Variants in TRIP11 observed in about 807,000 individuals in gnomAD.
TRIP11 encodes the protein thyroid hormone receptor interactor 11, also known as thyroid receptor-interacting protein 11.
TRIP11 carries 148 observed loss-of-function variants against 223.1 expected under a neutral mutation model. The observed-to-expected ratio is 0.66, with a 90% CI of 0.58 to 0.76. The LOEUF (loss-of-function observed/expected upper bound fraction) is 0.76, where lower values mean the gene tolerates loss of function less well. Among genes scored for constraint, TRIP11 ranks in the 30% least tolerant of loss-of-function variants. The pLI, the probability that TRIP11 is intolerant of heterozygous loss-of-function variation, is 0.00. For synonymous variants in TRIP11, 762 were observed against 772.6 expected (o/e 0.99, Z 0.23); for missense variants, 2,043 against 2,222.0 (o/e 0.92, Z 1.62).
At chr14:92,025,878 C>CAAAAAAAAAAAA (rs372915026) in intron 2 of TRIP11, among the ~76,000 whole-genome samples, 28 of 74,026 alleles carry the variant, frequency 3.8e-4, no homozygotes, top group African/African-American at 1.3e-3. Context: ...GACTCCGTCT[C>CAAAAAAAAAAAA]AAAAAAAAAA....
intron 11 of TRIP11, 34 bp from the exon 12 acceptor site, chr14:92,000,142 C>G: frequency 6.7e-7 from 1 of 1,492,648 alleles, no homozygotes; most frequent in Non-Finnish European, 9.1e-7. Flanking sequence ...CTTTAAAAAA[C>G]ACACACACAC....
intron 19 of TRIP11, among the ~76,000 whole-genome samples, chr14:91,974,048 A>C (rs1187251344): frequency 1.3e-5 from 2 of 152,168 alleles, no homozygotes; most frequent in Non-Finnish European, 2.9e-5. Flanking sequence ...ACAAAACAAA[A>C]GCTAAGAGAA....
intron 16 of TRIP11, among the ~76,000 whole-genome samples, chr14:91,986,592 C>G (rs1167781407): frequency 6.6e-6 from 1 of 152,146 alleles, no homozygotes; most frequent in Non-Finnish European, 1.5e-5. Context: ...TTGGGAATTA[C>G]TTAGGTAGGT....
chr14:92,018,968 A>AC (rs983233989), intron 4 of TRIP11, among the ~76,000 whole-genome samples: 6 of 150,932 alleles, frequency 4.0e-5, no homozygotes, highest in Non-Finnish European at 5.9e-5. Flanking sequence ...CTCAAAAAAA[A>AC]AAAAAAAAAA....
At position 92,025,516 on chromosome 14, in the gene TRIP11, C is replaced by CCCG. The variant is rs376329103; in HGVS notation, c.202-97_202-96insCGG. ...ATGAAAAACGTACTGCTTTCCCCCC[C>CCCG]CAAAAATGTCAAATATAAAAGGTCT... On this transcript the variant is annotated intron_variant, in intron 2 of 20. Transcript: ENST00000267622. 25,723 of 795,884 alleles carry CCCG rather than the reference C, an allele frequency of 0.032. 410 individuals are homozygous for CCCG. Among genetic ancestry groups the CCCG allele is most frequent in the Non-Finnish European group, 0.04 (19,660 of 491,038 alleles). The allele number at this position is 795,884 out of a possible 1,614,324, so 49.3% of individuals were successfully genotyped here.
At chr14:92,014,689 G>T in intron 6 of TRIP11, 112 bp from the exon 7 acceptor site, 2 of 1,184,404 alleles carry the variant, frequency 1.7e-6, no homozygotes, top group Non-Finnish European at 2.3e-6. Flanking sequence ...AAGCTTAAAA[G>T]TTAAATTACT....
intron 16 of TRIP11, among the ~76,000 whole-genome samples, chr14:91,983,223 G>A (rs957031807): frequency 2.0e-5 from 3 of 152,156 alleles, no homozygotes; most frequent in African/African-American, 7.2e-5. Context: ...CTGCCTGACT[G>A]TAAACCTCCT....
intron 4 of TRIP11, among the ~76,000 whole-genome samples, chr14:92,018,541 C>G (rs2057065806): frequency 6.6e-6 from 1 of 151,670 alleles, no homozygotes; most frequent in Admixed American, 6.6e-5. Flanking sequence ...TTTAATGAAC[C>G]AAAAGCTACT....
Position 92,004,779 on chromosome 14 carries a change from A to C in TRIP11, c.3197T>G (p.Leu1066Trp). 6.2e-7 allele frequency: 1 copy of C among 1,614,158 alleles called. No homozygotes were observed. Among genetic ancestry groups the C allele is most frequent in the Non-Finnish European group, 8.5e-7 (1 of 1,180,020 alleles). ...KLTQIIQQKDLEIQALHARIS... is the reference protein window; with the variant it reads ...KLTQIIQQKDWEIQALHARIS... ...TCTAGCATGAAGAGCTTGTATCTCC[A>C]AATCTTTCTGCTGAATAATCTGAGT... Residue 1066 changes from leucine to tryptophan, a missense_variant, in exon 11 of 21, where the codon TTG (leucine) becomes TGG (tryptophan). Leu to Trp is a moderately conservative substitution (Grantham distance 61). Coordinates refer to ENST00000267622, the MANE Select transcript of TRIP11 (RefSeq NM_004239.4).
At chr14:92,009,412 A>G (rs1446253983) in intron 9 of TRIP11, among the ~76,000 whole-genome samples, 1 of 152,160 alleles carries the variant, frequency 6.6e-6, no homozygotes, top group Non-Finnish European at 1.5e-5. Context: ...TTTAACATCA[A>G]AAGAAAGGAG....
rs1238800970 is a variant in TRIP11, at chr14:91,966,277, CA to C, written c.*3395del. The C allele has an allele frequency of 1.1e-5, 2 of 177,986 alleles. No individual in the cohort carries two copies. The highest frequency in any genetic ancestry group is 2.4e-5 in the Non-Finnish European group (2 of 82,838). The allele number at this position is 177,986 out of a possible 1,614,324, so 11.0% of individuals were successfully genotyped here. A position where few individuals can be genotyped will look rare whatever the true frequency, so the allele number is the denominator to read the frequency against. On this transcript the variant is annotated 3_prime_UTR_variant, in exon 21 of 21. Coordinates refer to ENST00000267622, the MANE Select transcript of TRIP11 (RefSeq NM_004239.4). Reference sequence around the variant, plus strand: ...AAAAGTAAAGACTGGCAAATAATCACAAATGTCAGAACATTAAAGTAGCATT... The same window carrying C: ...AAAAGTAAAGACTGGCAAATAATCACAATGTCAGAACATTAAAGTAGCATT...
chr14:92,003,373 T>G (rs756914403), intron 11 of TRIP11, 46 bp downstream of exon 11: 2 of 1,607,452 alleles, frequency 1.2e-6, no homozygotes, highest in East Asian at 4.5e-5. Context: ...AAAAAAAGTC[T>G]CCTCCACCCC....
intron 18 of TRIP11, 114 bp from the exon 19 acceptor site, chr14:91,974,857 C>G: frequency 1.1e-6 from 1 of 896,266 alleles, no homozygotes; most frequent in Non-Finnish European, 1.8e-6. Context: ...AAGTTCAAGT[C>G]CTAGTAAATG....
chr14:91,989,975 T>C (rs2056652453), intron 15 of TRIP11, among the ~76,000 whole-genome samples: 1 of 152,178 alleles, frequency 6.6e-6, no homozygotes, highest in Admixed American at 6.6e-5. Context: ...AGTTCCAGCC[T>C]GCCTTTGATG....
intron 11 of TRIP11, among the ~76,000 whole-genome samples, chr14:92,002,155 G>T (rs1231913811): frequency 1.3e-5 from 2 of 151,638 alleles, no homozygotes; most frequent in Non-Finnish European, 2.9e-5. Context: ...ACCCTACACA[G>T]CACCCTATAC....
intron 16 of TRIP11, among the ~76,000 whole-genome samples, chr14:91,987,865 T>C (rs1016771219): frequency 1.3e-5 from 2 of 152,202 alleles, no homozygotes; most frequent in African/African-American, 4.8e-5. Context: ...ATCATAAAAA[T>C]CTAGCTATAC....
chr14:91,966,436 T>C lies in TRIP11; in HGVS notation c.*3237A>G, dbSNP rs1367583219. The C allele has an allele frequency of 5.2e-6, 1 of 190,656 alleles. No homozygotes were observed. The highest frequency in any genetic ancestry group is 1.1e-5 in the Non-Finnish European group (1 of 91,028). 11.8% of individuals were successfully genotyped at this position (190,656 alleles called of 1,614,324 possible). ...TGGAAAACTTCATTATCTTTAAATA[T>C]CAGGTCCAAATGCTTTTAAGTTTGA... On this transcript the variant is annotated 3_prime_UTR_variant, in exon 21 of 21. Transcript: ENST00000267622.
chr14:92,034,372 G>A (rs375354564), intron 1 of TRIP11, among the ~76,000 whole-genome samples: 16 of 150,462 alleles, frequency 1.1e-4, no homozygotes, highest in Admixed American at 5.3e-4. Context: ...GCAGTGAGCC[G>A]ACACTGTGCT....
At chr14:92,000,921 C>T (rs1402657966) in intron 11 of TRIP11, among the ~76,000 whole-genome samples, 3 of 149,172 alleles carry the variant, frequency 2.0e-5, no homozygotes, top group Non-Finnish European at 3.0e-5. Context: ...AGTGCAGTGG[C>T]GCGATCTCGG....
Sources: gnomAD v4.1 joint callset for allele counts (sites outside exome capture counted in the v4.1 genomes callset) on GRCh38, gnomAD v4.1.1 for gene constraint, MANE v1.5 for transcripts, NCBI Gene and HGNC (gene_info 2026-07-23, HGNC 2026-07-21) for gene names.